DENND1A: variants seen among roughly 807,000 people sequenced by gnomAD.
The protein encoded by DENND1A is DENN domain containing 1A.
In DENND1A, 51 loss-of-function variants were observed where a neutral mutation model predicts 113.7. The observed-to-expected ratio is 0.45, with a 90% CI of 0.36 to 0.57. The LOEUF is 0.57. Among genes scored for constraint, DENND1A ranks in the 20% least tolerant of loss-of-function variants. The pLI, the probability that DENND1A is intolerant of heterozygous loss-of-function variation, is 0.00. For missense variants in DENND1A, 1,258 were observed against 1,395.9 expected, an observed-to-expected ratio of 0.90 and a Z score of 1.57; for synonymous variants, 565 against 570.8, an observed-to-expected ratio of 0.99 and a Z score of 0.14.
Position 123,834,063 on chromosome 9 carries a change from C to A in DENND1A, c.89-41433G>T, listed in dbSNP as rs549793147. Among the ~76,000 whole-genome samples, 35 of 152,200 alleles carry A rather than the reference C, an allele frequency of 2.3e-4. No individual in the cohort carries two copies. In the East Asian group the frequency reaches 6.4e-3, roughly 28 times the overall value. On this transcript the variant is annotated intron_variant, in intron 2 of 23. Transcript: ENST00000394215. The stretch of plus-strand genomic sequence containing the variant: ...GAGCAAGACTCTGTCTCAAAAAAAA[C>A]AGGCTCAAATAGAATACAGTTGTCT...
chr9:123,701,625 C>A lies in DENND1A; in HGVS notation c.303-24836G>T, dbSNP rs1589726097. 2.0e-5 allele frequency among the ~76,000 whole-genome samples: 3 copies of A among 152,230 alleles called. No individual in the cohort carries two copies. In the East Asian group the frequency reaches 5.8e-4, roughly 29 times the overall value. ...GAGTTCTGGCCTGCATCACTGCCAG[C>A]TGACTACAGTGGCCTTAGGCTATGA... On this transcript the variant is annotated intron_variant, in intron 5 of 23. Coordinates refer to ENST00000394215, the MANE Select transcript of DENND1A (RefSeq NM_001352964.2).
chr9:123,734,936 C>T (rs761481436), intron 5 of DENND1A, among the ~76,000 whole-genome samples: 5 of 152,042 alleles, frequency 3.3e-5, no homozygotes, highest in African/African-American at 1.2e-4. Flanking sequence ...CAGCATCATA[C>T]GTTATGATTT....
At chr9:123,448,084 T>G (rs529618971) in intron 18 of DENND1A, among the ~76,000 whole-genome samples, 1 of 152,356 alleles carries the variant, frequency 6.6e-6, no homozygotes, top group East Asian at 1.9e-4. Context: ...ATAAAATGCC[T>G]TCACCATTTG....
intron 5 of DENND1A, among the ~76,000 whole-genome samples, chr9:123,754,242 T>G (rs529670773): frequency 6.6e-6 from 1 of 152,146 alleles, no homozygotes; most frequent in African/African-American, 2.4e-5. Flanking sequence ...CAAACTGAGC[T>G]CTCATTCTCT....
intron 2 of DENND1A, among the ~76,000 whole-genome samples, chr9:123,811,880 G>C (rs918011127): frequency 6.6e-6 from 1 of 152,176 alleles, no homozygotes; most frequent in East Asian, 1.9e-4. Context: ...TTAATAATTT[G>C]TAATTGGACC....
intron 2 of DENND1A, among the ~76,000 whole-genome samples, chr9:123,834,919 GTTT>G (rs1840824280): frequency 6.6e-6 from 1 of 152,152 alleles, no homozygotes; most frequent in African/African-American, 2.4e-5. Flanking sequence ...GTCTGAGGTA[GTTT>G]TTCATGAGAT....
chr9:123,440,036 A>G (rs929033001), intron 19 of DENND1A: 29 of 173,400 alleles, frequency 1.7e-4, no homozygotes, highest in Non-Finnish European at 3.0e-4. Flanking sequence ...CCGGGATGCT[A>G]AAGTGTTCTA....
intron 5 of DENND1A, among the ~76,000 whole-genome samples, chr9:123,747,993 T>TA (rs755748063): frequency 8.1e-4 from 124 of 152,244 alleles, no homozygotes; most frequent in Non-Finnish European, 1.5e-3. Flanking sequence ...GTGTTTCTTT[T>TA]AAAAAAATAC....
chr9:123,566,595 A>G (rs1173437965), intron 12 of DENND1A, among the ~76,000 whole-genome samples: 1 of 152,218 alleles, frequency 6.6e-6, no homozygotes, highest in African/African-American at 2.4e-5. Flanking sequence ...TGAGCATCCC[A>G]GGAATAAGCT....
At chr9:123,397,490 A>G (rs1335934378) in intron 21 of DENND1A, among the ~76,000 whole-genome samples, 1 of 152,196 alleles carries the variant, frequency 6.6e-6, no homozygotes, top group Non-Finnish European at 1.5e-5. Flanking sequence ...TTTTTATATT[A>G]ATGAAAACCT....
chr9:123,470,281 C>T (rs2049293408), intron 13 of DENND1A, among the ~76,000 whole-genome samples: 1 of 151,944 alleles, frequency 6.6e-6, no homozygotes, highest in African/African-American at 2.4e-5. Flanking sequence ...CGCAGAGCTA[C>T]AGCTCTCTCC....
In DENND1A at chr9:123,919,526, TTA is replaced by T. The variant is rs561278810; in HGVS notation, c.17+10361_17+10362del. Among the ~76,000 whole-genome samples the T allele has an allele frequency of 7.3e-4, 111 of 151,930 alleles. 1 individual carries two copies. Among genetic ancestry groups the T allele is most frequent in the African/African-American group, 2.5e-3 (104 of 41,466 alleles). ...GGTTAACTTTTTAGGTGTGAAAATG[TTA>T]TGTTTTTTAAAAAGAAAAATCTACC... On this transcript the variant is annotated intron_variant, in intron 1 of 23. Coordinates refer to ENST00000394215, the MANE Select transcript of DENND1A (RefSeq NM_001352964.2).
intron 5 of DENND1A, among the ~76,000 whole-genome samples, chr9:123,702,720 C>A (rs147532823): frequency 1.7e-3 from 263 of 152,180 alleles, no homozygotes; most frequent in African/African-American, 6.2e-3. Context: ...ATCTGTCCTA[C>A]AGAAATGAAG....
chr9:123,495,884 T>C (rs531570559), intron 13 of DENND1A, among the ~76,000 whole-genome samples: 2 of 152,372 alleles, frequency 1.3e-5, no homozygotes, highest in East Asian at 1.9e-4. Context: ...TTCTAGTAAT[T>C]AGCTGTCAGA....
At chr9:123,736,983 C>G (rs2068610724) in intron 5 of DENND1A, among the ~76,000 whole-genome samples, 1 of 152,096 alleles carries the variant, frequency 6.6e-6, no homozygotes, top group African/African-American at 2.4e-5. Context: ...GGTTACTGAT[C>G]TAGAAGTTAT....
intron 13 of DENND1A, among the ~76,000 whole-genome samples, chr9:123,539,723 A>C (rs2056129333): frequency 1.3e-5 from 2 of 152,088 alleles, no homozygotes. Context: ...CTCCACTAAA[A>C]ATACAAAAAA....
At chr9:123,576,802 A>T (rs2058662948) in intron 12 of DENND1A, among the ~76,000 whole-genome samples, 1 of 152,220 alleles carries the variant, frequency 6.6e-6, no homozygotes. Flanking sequence ...GATAAAAATT[A>T]TCTTTCATTA....
intron 11 of DENND1A, among the ~76,000 whole-genome samples, chr9:123,600,699 T>G (rs997733744): frequency 1.7e-4 from 26 of 152,220 alleles, no homozygotes; most frequent in African/African-American, 5.5e-4. Context: ...GGTGTGGTGG[T>G]GCACACCTGT....
chr9:123,887,757 C>T (rs570167720), intron 1 of DENND1A, among the ~76,000 whole-genome samples: 64 of 151,938 alleles, frequency 4.2e-4, no homozygotes, highest in Non-Finnish European at 6.5e-4. Flanking sequence ...AAGAAGGAGG[C>T]GAGCATGCAC....
Sources: gnomAD v4.1 joint callset for allele counts (sites outside exome capture counted in the v4.1 genomes callset) on GRCh38, gnomAD v4.1.1 for gene constraint, MANE v1.5 for transcripts, NCBI Gene and HGNC (gene_info 2026-07-23, HGNC 2026-07-21) for gene names.